The following NFX1 variants were observed in gnomAD, a reference collection of about 807,000 sequenced individuals.
NFX1 encodes nuclear transcription factor, X-box binding 1.
NFX1 carries 69 observed loss-of-function variants against 137.2 expected under a neutral mutation model. The ratio of observed to expected loss-of-function variants is 0.50; its 90% confidence interval spans 0.41 to 0.61. The LOEUF is 0.61. Ranked by LOEUF, NFX1 falls within the 20% of genes least tolerant of loss-of-function variation. The pLI, the probability that NFX1 is intolerant of heterozygous loss-of-function variation, is 0.00. For synonymous variants in NFX1, 495 were observed against 474.1 expected (o/e 1.04, Z -0.57); for missense variants, 1,167 against 1,391.0 (o/e 0.84, Z 2.56).
chr9:33,346,251 C>G (rs957690500), intron 14 of NFX1, among the ~76,000 whole-genome samples: 2 of 152,202 alleles, frequency 1.3e-5, no homozygotes, highest in African/African-American at 4.8e-5. Flanking sequence ...CCAAATGCTG[C>G]TGGGCAAGGT....
At chr9:33,344,978 A>G (rs1276031931) in intron 14 of NFX1, among the ~76,000 whole-genome samples, 3 of 152,098 alleles carry the variant, frequency 2.0e-5, no homozygotes, top group East Asian at 3.9e-4. Context: ...TCTGGCCAAC[A>G]TGGTGAAACC....
chr9:33,336,894 G>A (rs937027032), intron 11 of NFX1, among the ~76,000 whole-genome samples: 2 of 152,212 alleles, frequency 1.3e-5, no homozygotes, highest in Admixed American at 1.3e-4. Context: ...TTGAGGTCAG[G>A]AGTTCAAGAC....
chr9:33,317,603 G>A lies in NFX1; in HGVS notation c.1589-1128G>A, dbSNP rs571148577. Among the ~76,000 whole-genome samples the A allele has an allele frequency of 2.6e-5, 4 of 151,520 alleles. No individual in the cohort carries two copies. The South Asian group carries it at 6.3e-4, about 24-fold the overall frequency. ...CCCAGCACTTTGGGAGGTCGAGGCC[G>A]CAGTAAGCTGTGTTCACACCACTGT... is the stretch of plus-strand genomic sequence containing the variant. On this transcript the variant is annotated intron_variant, in intron 7 of 23. Coordinates refer to ENST00000379540, the MANE Select transcript of NFX1 (RefSeq NM_002504.6).
intron 5 of NFX1, among the ~76,000 whole-genome samples, chr9:33,309,097 C>T (rs2118295953): frequency 6.6e-6 from 1 of 152,302 alleles, no homozygotes; most frequent in East Asian, 1.9e-4. Context: ...GTGGCTCATG[C>T]CTGTAATCCC....
intron 7 of NFX1, among the ~76,000 whole-genome samples, chr9:33,315,565 TC>T (rs1822128889): frequency 1.3e-5 from 2 of 152,060 alleles, no homozygotes; most frequent in Admixed American, 1.3e-4. Context: ...CTTCATTTCT[TC>T]CCTGTGAAAC....
chr9:33,354,035 G>T, intron 17 of NFX1, 51 bp from the exon 18 acceptor site: 1 of 1,517,266 alleles, frequency 6.6e-7, no homozygotes, highest in Non-Finnish European at 9.0e-7. Flanking sequence ...GTATAAGGAG[G>T]TTCTTGTGAA....
At chr9:33,354,920 C>T (rs1181323482) in intron 19 of NFX1, 28 bp downstream of exon 19, 3 of 1,612,536 alleles carry the variant, frequency 1.9e-6, no homozygotes, top group Admixed American at 3.3e-5. Context: ...CTTTTTTAAT[C>T]TCCTTGCCCT....
At chr9:33,317,198 C>G (rs764241219) in intron 7 of NFX1, among the ~76,000 whole-genome samples, 2 of 149,542 alleles carry the variant, frequency 1.3e-5, no homozygotes, top group Non-Finnish European at 3.0e-5. Context: ...ATGGGCTGAT[C>G]ACTTGAGCCC....
At chr9:33,331,651 A>G (rs1185801899) in intron 10 of NFX1, among the ~76,000 whole-genome samples, 1 of 144,898 alleles carries the variant, frequency 6.9e-6, no homozygotes, top group African/African-American at 2.6e-5. Flanking sequence ...AGAACCTTTT[A>G]TTGCTTAGAC....
chr9:33,316,203 C>G (rs949321227), intron 7 of NFX1, among the ~76,000 whole-genome samples: 3 of 152,040 alleles, frequency 2.0e-5, no homozygotes, highest in Non-Finnish European at 2.9e-5. Flanking sequence ...ATAGTCTCTT[C>G]AAGAGAATGA....
Position 33,359,321 on chromosome 9 carries a change from G to A in NFX1, c.2873+4429G>A, listed in dbSNP as rs190323400. 1.8e-3 allele frequency among the ~76,000 whole-genome samples: 271 copies of A among 152,022 alleles called. 3 individuals carry two copies. Among genetic ancestry groups the A allele is most frequent in the Admixed American group, 0.016 (239 of 15,260 alleles). ...TGGTAATAATAGATATTCCTTGGCC[G>A]GGCGCGGTGGCTCACGCCTGTAATC... On this transcript the variant is annotated intron_variant, in intron 19 of 23. Coordinates refer to ENST00000379540, the MANE Select transcript of NFX1 (RefSeq NM_002504.6).
At chr9:33,355,546 A>T (rs925289843) in intron 19 of NFX1, among the ~76,000 whole-genome samples, 9 of 147,714 alleles carry the variant, frequency 6.1e-5, no homozygotes, top group Non-Finnish European at 1.2e-4. Context: ...TTCCTGCATG[A>T]TTTTTTTTGT....
chr9:33,323,198 G>A (rs541802900), intron 9 of NFX1, among the ~76,000 whole-genome samples: 18 of 152,216 alleles, frequency 1.2e-4, no homozygotes, highest in Non-Finnish European at 2.2e-4. Context: ...TGACACCAGC[G>A]GCTACATACT....
chr9:33,291,066 C>A (rs939286264), intron 1 of NFX1, among the ~76,000 whole-genome samples: 4 of 152,342 alleles, frequency 2.6e-5, no homozygotes, highest in Non-Finnish European at 5.9e-5. Context: ...TCTCAGTCTC[C>A]TCATCTGTCA....
At chr9:33,353,192 T>A (rs1417269644) in intron 17 of NFX1, among the ~76,000 whole-genome samples, 1 of 152,264 alleles carries the variant, frequency 6.6e-6, no homozygotes, top group Non-Finnish European at 1.5e-5. Flanking sequence ...TTTTTCTCTC[T>A]TTTGGTCGTA....
chr9:33,359,819 G>C (rs1823933671), intron 19 of NFX1, among the ~76,000 whole-genome samples: 1 of 152,138 alleles, frequency 6.6e-6, no homozygotes, highest in Admixed American at 6.5e-5. Context: ...TTTAGGTGAA[G>C]GTTATATAGA....
At chr9:33,292,178 C>T (rs1349835946) in intron 1 of NFX1, among the ~76,000 whole-genome samples, 1 of 152,196 alleles carries the variant, frequency 6.6e-6, no homozygotes. Flanking sequence ...AAGTTATTAC[C>T]TCCAACCCAG....
At chr9:33,348,940 A>G (rs1334320836) in intron 15 of NFX1, among the ~76,000 whole-genome samples, 1 of 152,022 alleles carries the variant, frequency 6.6e-6, no homozygotes, top group African/African-American at 2.4e-5. Flanking sequence ...ATTGGCCAAC[A>G]TTTCATGAAA....
intron 21 of NFX1, chr9:33,365,471 G>A (rs1305839030): frequency 2.0e-5 from 3 of 152,234 alleles, no homozygotes; most frequent in Non-Finnish European, 2.9e-5. Context: ...AGCCAGGTGT[G>A]GTGGTGCACA....
Sources: gnomAD v4.1 joint callset for allele counts (sites outside exome capture counted in the v4.1 genomes callset) on GRCh38, gnomAD v4.1.1 for gene constraint, MANE v1.5 for transcripts, NCBI Gene and HGNC (gene_info 2026-07-23, HGNC 2026-07-21) for gene names.